CSMD1: variants seen among roughly 807,000 people sequenced by gnomAD.
CSMD1 encodes CUB and sushi domain-containing protein 1.
In CSMD1, 213 loss-of-function variants were observed where a neutral mutation model predicts 417.5. The ratio of observed to expected loss-of-function variants is 0.51; its 90% confidence interval spans 0.46 to 0.57. The LOEUF is 0.57. Among genes scored for constraint, CSMD1 ranks in the 20% least tolerant of loss-of-function variants. CSMD1 has a pLI of 0.00. For missense variants in CSMD1, 6,923 were observed against 4,529.7 expected (o/e 1.53, Z -15.17); for synonymous variants, 2,862 against 1,736.8 (o/e 1.65, Z -16.11).
intron 6 of CSMD1, among the ~76,000 whole-genome samples, chr8:3,730,794 T>C (rs1227095848): frequency 6.6e-6 from 1 of 152,210 alleles, no homozygotes; most frequent in Non-Finnish European, 1.5e-5. Context: ...CTTAACCTAA[T>C]ATTTTGACAT....
chr8:3,610,461 G>T (rs1801835669), intron 8 of CSMD1, among the ~76,000 whole-genome samples: 1 of 59,634 alleles, frequency 1.7e-5, no homozygotes, highest in Admixed American at 1.5e-4. Context: ...TTTGAGCCCT[G>T]GAGTTCGAGA....
At chr8:3,874,300 C>G (rs1172507403) in intron 5 of CSMD1, among the ~76,000 whole-genome samples, 1 of 152,152 alleles carries the variant, frequency 6.6e-6, no homozygotes, top group Non-Finnish European at 1.5e-5. Flanking sequence ...ACCACCTGTA[C>G]TTTGGAAATA....
intron 21 of CSMD1, among the ~76,000 whole-genome samples, chr8:3,348,569 G>A (rs28591544): frequency 6.6e-6 from 1 of 152,030 alleles, no homozygotes; most frequent in Admixed American, 6.5e-5. Flanking sequence ...ACCATTGTTT[G>A]TCTGCATTTT....
chr8:3,845,831 ATTTT>A (rs1001569564), intron 5 of CSMD1, among the ~76,000 whole-genome samples: 1 of 149,866 alleles, frequency 6.7e-6, no homozygotes, highest in Non-Finnish European at 1.5e-5. Flanking sequence ...CTTCTATTTA[ATTTT>A]TTTTTTACTT....
chr8:4,097,256 T>A (rs1585306971), intron 3 of CSMD1, among the ~76,000 whole-genome samples: 1 of 152,064 alleles, frequency 6.6e-6, no homozygotes. Flanking sequence ...GAACTGGAAA[T>A]CAGAAAACTA....
intron 1 of CSMD1, among the ~76,000 whole-genome samples, chr8:4,816,527 C>G (rs368513699): frequency 3.3e-5 from 5 of 152,174 alleles, no homozygotes; most frequent in South Asian, 4.1e-4. Context: ...CATGCGCAGC[C>G]AAATCACGGT....
intron 3 of CSMD1, among the ~76,000 whole-genome samples, chr8:4,216,338 A>G (rs548807917): frequency 7.2e-5 from 11 of 152,194 alleles, no homozygotes; most frequent in Admixed American, 6.5e-4. Flanking sequence ...GGATGCTTTC[A>G]GTTCCCTTGA....
At chr8:4,176,045 A>G (rs923932446) in intron 3 of CSMD1, among the ~76,000 whole-genome samples, 1 of 152,138 alleles carries the variant, frequency 6.6e-6, no homozygotes, top group African/African-American at 2.4e-5. Context: ...CCCAAGAAGC[A>G]GGAGCAGAAA....
At position 4,830,533 on chromosome 8, in the gene CSMD1, T is replaced by C. The variant is rs548280467; in HGVS notation, c.85+163799A>G. On this transcript the variant is annotated intron_variant, in intron 1 of 69. Coordinates refer to ENST00000635120, the MANE Select transcript of CSMD1 (RefSeq NM_033225.6). Reference sequence around the variant, plus strand: ...TGCCTGACAATGGATTACCAGGAGATTGCAGTTTGTGTGTCAAGAGGAGAC... The same window carrying C: ...TGCCTGACAATGGATTACCAGGAGACTGCAGTTTGTGTGTCAAGAGGAGAC... Among the ~76,000 whole-genome samples the C allele has an allele frequency of 1.1e-4, 16 of 152,294 alleles. No individual in the cohort carries two copies. The South Asian group carries it at 2.5e-3, about 24-fold the overall frequency.
At chr8:2,946,841 C>T (rs1412847651) in intron 68 of CSMD1, among the ~76,000 whole-genome samples, 5 of 152,330 alleles carry the variant, frequency 3.3e-5, no homozygotes, top group Admixed American at 3.3e-4. Context: ...TCACATTTCC[C>T]CAGCAAAGTA....
At chr8:4,604,189 A>C (rs1585317518) in intron 2 of CSMD1, among the ~76,000 whole-genome samples, 1 of 152,108 alleles carries the variant, frequency 6.6e-6, no homozygotes, top group Non-Finnish European at 1.5e-5. Context: ...CATAATCGGA[A>C]AGTTAGCAAC....
intron 18 of CSMD1, among the ~76,000 whole-genome samples, chr8:3,387,160 G>A (rs1160203885): frequency 1.3e-5 from 2 of 152,164 alleles, no homozygotes; most frequent in Non-Finnish European, 2.9e-5. Flanking sequence ...GGAAAATCAG[G>A]TCTGACATCC....
chr8:4,583,046 G>A (rs555785017), intron 2 of CSMD1, among the ~76,000 whole-genome samples: 12 of 152,316 alleles, frequency 7.9e-5, no homozygotes, highest in South Asian at 6.2e-4. Context: ...CTTCTCACCC[G>A]GCGTTAGCTG....
intron 23 of CSMD1, among the ~76,000 whole-genome samples, chr8:3,321,310 C>T (rs1018083699): frequency 6.6e-6 from 1 of 152,124 alleles, no homozygotes; most frequent in African/African-American, 2.4e-5. Flanking sequence ...CTGGTGATGC[C>T]CTCTGCACCA....
At chr8:3,119,732 A>G (rs10105872) in intron 41 of CSMD1, among the ~76,000 whole-genome samples, 12,047 of 152,238 alleles carry the variant, frequency 0.079, 547 homozygotes, top group South Asian at 0.11. Flanking sequence ...ACCTTTGTCC[A>G]TAAAGGCAGT....
At chr8:4,586,175 A>G (rs1799690006) in intron 2 of CSMD1, among the ~76,000 whole-genome samples, 3 of 151,972 alleles carry the variant, frequency 2.0e-5, no homozygotes, top group African/African-American at 7.3e-5. Context: ...TGCCAATTCC[A>G]CTCTTTTGGT....
At chr8:4,986,016 C>T (rs1157126619) in intron 1 of CSMD1, among the ~76,000 whole-genome samples, 3 of 152,174 alleles carry the variant, frequency 2.0e-5, no homozygotes, top group African/African-American at 7.2e-5. Flanking sequence ...GCCGATCATA[C>T]TCTGCAATGC....
intron 3 of CSMD1, among the ~76,000 whole-genome samples, chr8:4,268,787 C>G (rs369379518): frequency 7.9e-5 from 12 of 151,644 alleles, no homozygotes; most frequent in Non-Finnish European, 1.6e-4. Context: ...ATAACATCGA[C>G]ATCACAAAGG....
intron 37 of CSMD1, among the ~76,000 whole-genome samples, chr8:3,166,390 C>T (rs868800697): frequency 2.0e-5 from 3 of 151,926 alleles, no homozygotes; most frequent in Admixed American, 6.6e-5. Context: ...AAAAAGTACC[C>T]GGGCGTGGTG....
Sources: allele counts gnomAD v4.1 joint callset (sites outside exome capture counted in the v4.1 genomes callset), GRCh38; gene constraint gnomAD v4.1.1; transcripts MANE v1.5; gene names NCBI Gene and HGNC (gene_info 2026-07-23, HGNC 2026-07-21).